NRG1: variants seen among roughly 807,000 people sequenced by gnomAD.
NRG1 encodes the protein neuregulin 1.
NRG1 carries 18 observed loss-of-function variants against 63.8 expected under a neutral mutation model. That is an observed-to-expected ratio of 0.28 (90% CI 0.19 to 0.42). NRG1 has a LOEUF of 0.42. Ranked by LOEUF, NRG1 falls within the 10% of genes least tolerant of loss-of-function variation. The probability of loss-of-function intolerance (pLI) is 1.00; values close to 1 mark genes in which losing one functional copy is unlikely to be tolerated. For synonymous variants in NRG1, 302 were observed against 301.3 expected, an observed-to-expected ratio of 1.00 and a Z score of -0.02; for missense variants, 762 against 814.7, an observed-to-expected ratio of 0.94 and a Z score of 0.79.
chr8:31,890,009 T>G (rs1017770184), intron 1 of NRG1, among the ~76,000 whole-genome samples: 2 of 152,208 alleles, frequency 1.3e-5, no homozygotes, highest in Middle Eastern at 3.2e-3. Context: ...ACCTCTGCAC[T>G]ATCAACATTT....
chr8:32,063,544 C>A (rs1824233324), intron 1 of NRG1: 1 of 151,960 alleles, frequency 6.6e-6, no homozygotes, highest in Non-Finnish European at 1.5e-5. Flanking sequence ...GATGTTTGGG[C>A]CCCCTGGTAA....
chr8:32,396,233 A>G (rs1193396106), intron 1 of NRG1, among the ~76,000 whole-genome samples: 2 of 152,146 alleles, frequency 1.3e-5, no homozygotes, highest in Non-Finnish European at 2.9e-5. Flanking sequence ...GAGGACTTTT[A>G]AAATCAACCT....
chr8:32,641,597 G>C (rs1852409597), intron 5 of NRG1, among the ~76,000 whole-genome samples: 1 of 152,152 alleles, frequency 6.6e-6, no homozygotes, highest in Non-Finnish European at 1.5e-5. Context: ...TCATCTTTGA[G>C]ATCATTTACT....
chr8:31,671,863 A>G (rs1435269292), intron 1 of NRG1, among the ~76,000 whole-genome samples: 1 of 152,178 alleles, frequency 6.6e-6, no homozygotes, highest in African/African-American at 2.4e-5. Context: ...CATTCTCAAT[A>G]GCAGAAAATA....
intron 1 of NRG1, among the ~76,000 whole-genome samples, chr8:31,926,824 C>T (rs776389): frequency 6.6e-6 from 1 of 151,954 alleles, no homozygotes; most frequent in East Asian, 1.9e-4. Flanking sequence ...TTCTATGTGG[C>T]TTCATCACTG....
At chr8:32,233,588 C>T (rs1218899070) in intron 1 of NRG1, among the ~76,000 whole-genome samples, 9 of 103,012 alleles carry the variant, frequency 8.7e-5, no homozygotes, top group Admixed American at 4.1e-4. Context: ...TCTTTTGAAA[C>T]GGTGTCTCAC....
At chr8:32,671,989 C>T (rs1337580692) in intron 5 of NRG1, among the ~76,000 whole-genome samples, 1 of 151,674 alleles carries the variant, frequency 6.6e-6, no homozygotes, top group African/African-American at 2.4e-5. Flanking sequence ...AACTACACCT[C>T]TGCTTGCCTG....
At chr8:31,685,946 TACTATGAAC>T (rs1448444806) in intron 1 of NRG1, among the ~76,000 whole-genome samples, 1 of 152,224 alleles carries the variant, frequency 6.6e-6, no homozygotes, top group Non-Finnish European at 1.5e-5. Flanking sequence ...TAAATAATGG[TACTATGAAC>T]ATTCATATAC....
chr8:32,274,861 G>GA (rs202213904), intron 1 of NRG1, among the ~76,000 whole-genome samples: 73 of 151,236 alleles, frequency 4.8e-4, no homozygotes, highest in East Asian at 1.4e-3. Flanking sequence ...GTCTCTCTGG[G>GA]AAAAAAAAAT....
chr8:32,712,416 C>T (rs1323216366), intron 5 of NRG1, among the ~76,000 whole-genome samples: 2 of 152,044 alleles, frequency 1.3e-5, no homozygotes, highest in Non-Finnish European at 2.9e-5. Context: ...AAGTAAGGAG[C>T]AAGTGAAAAG....
chr8:32,635,694 TA>T (rs374849379), intron 5 of NRG1, among the ~76,000 whole-genome samples: 20 of 152,312 alleles, frequency 1.3e-4, no homozygotes, highest in African/African-American at 4.1e-4. Context: ...TGCAGTTTTT[TA>T]AAAATGTAGA....
chr8:32,134,226 G>A (rs1835218829), intron 1 of NRG1, among the ~76,000 whole-genome samples: 1 of 152,028 alleles, frequency 6.6e-6, no homozygotes, highest in Non-Finnish European at 1.5e-5. Context: ...ATTTAAGGCA[G>A]CAAAGTCACG....
intron 1 of NRG1, among the ~76,000 whole-genome samples, chr8:32,213,455 C>G (rs1339117877): frequency 3.3e-5 from 5 of 151,984 alleles, no homozygotes; most frequent in Admixed American, 1.3e-4. Flanking sequence ...ACACTGGGGC[C>G]TGTCGGGGAG....
At chr8:32,097,929 T>A (rs1057462149) in intron 1 of NRG1, among the ~76,000 whole-genome samples, 1 of 152,070 alleles carries the variant, frequency 6.6e-6, no homozygotes, top group African/African-American at 2.4e-5. Context: ...AAGGAAGAGG[T>A]CAGGGCTGGA....
intron 2 of NRG1, among the ~76,000 whole-genome samples, chr8:32,604,936 T>C (rs1286969287): frequency 2.6e-5 from 4 of 152,192 alleles, no homozygotes; most frequent in Non-Finnish European, 5.9e-5. Context: ...TGTGATAATG[T>C]TGCCCAAATA....
At chr8:32,367,152 G>A (rs1327566560) in intron 1 of NRG1, among the ~76,000 whole-genome samples, 2 of 152,128 alleles carry the variant, frequency 1.3e-5, no homozygotes, top group East Asian at 1.9e-4. Flanking sequence ...GGGTAAATAT[G>A]TCATGGTGGG....
At chr8:31,873,903 A>G (rs1031158285) in intron 1 of NRG1, among the ~76,000 whole-genome samples, 4 of 152,120 alleles carry the variant, frequency 2.6e-5, no homozygotes, top group African/African-American at 9.7e-5. Context: ...TATTTTTTCA[A>G]TAAAAGTCTT....
chr8:31,824,212 C>T (rs1824309139), intron 1 of NRG1, among the ~76,000 whole-genome samples: 1 of 123,140 alleles, frequency 8.1e-6, no homozygotes, highest in South Asian at 2.6e-4. Context: ...GTGTGATGTT[C>T]CCCTTCCTGT....
chr8:32,521,337 T>C (rs1296241387), intron 1 of NRG1, among the ~76,000 whole-genome samples: 1 of 152,244 alleles, frequency 6.6e-6, no homozygotes, highest in African/African-American at 2.4e-5. Flanking sequence ...TATTATATTC[T>C]GCCTTTTTAG....
Sources: gnomAD v4.1 joint callset for allele counts (sites outside exome capture counted in the v4.1 genomes callset) on GRCh38, gnomAD v4.1.1 for gene constraint, MANE v1.5 for transcripts, NCBI Gene and HGNC (gene_info 2026-07-23, HGNC 2026-07-21) for gene names.